The following TEAD4 variants were observed in gnomAD, a reference collection of about 807,000 sequenced individuals.
TEAD4 encodes the protein TEA domain transcription factor 4.
TEAD4 carries 36 observed loss-of-function variants against 52.4 expected under a neutral mutation model. The ratio of observed to expected loss-of-function variants is 0.69; its 90% CI spans 0.53 to 0.91. The LOEUF (loss-of-function observed/expected upper bound fraction) is 0.91, where lower values mean the gene tolerates loss of function less well. Ranked by LOEUF, TEAD4 falls within the 40% of genes least tolerant of loss-of-function variation. TEAD4 has a pLI of 0.00. For missense variants in TEAD4, 508 were observed against 583.9 expected (o/e 0.87, Z 1.34); for synonymous variants, 220 against 231.0 (o/e 0.95, Z 0.43).
intron 2 of TEAD4, among the ~76,000 whole-genome samples, chr12:2,966,199 T>C (rs1178506678): frequency 6.6e-6 from 1 of 152,084 alleles, no homozygotes; most frequent in African/African-American, 2.4e-5. Context: ...GAGAAAGCAG[T>C]GTGGTCTGGC....
At chr12:3,015,678 A>C (rs954119737) in intron 5 of TEAD4, among the ~76,000 whole-genome samples, 3 of 152,108 alleles carry the variant, frequency 2.0e-5, no homozygotes, top group African/African-American at 7.2e-5. Context: ...TTTGTGTTTT[A>C]GAGACTCCAC....
At chr12:2,973,297 C>A (rs568222028) in intron 2 of TEAD4, among the ~76,000 whole-genome samples, 2 of 152,280 alleles carry the variant, frequency 1.3e-5, no homozygotes, top group South Asian at 4.2e-4. Context: ...GTCTTGAACT[C>A]CTGGCTCAAG....
chr12:2,989,634 C>G (rs2098241472), intron 2 of TEAD4, among the ~76,000 whole-genome samples: 1 of 151,972 alleles, frequency 6.6e-6, no homozygotes. Flanking sequence ...AGACAGGGGT[C>G]TCACTATGTT....
chr12:2,973,694 C>T (rs2098227108), intron 2 of TEAD4, among the ~76,000 whole-genome samples: 1 of 152,224 alleles, frequency 6.6e-6, no homozygotes, highest in South Asian at 2.1e-4. Flanking sequence ...GCCGGGCATC[C>T]TTCCTGCCTG....
chr12:2,995,549 G>A (rs752148970), intron 3 of TEAD4, among the ~76,000 whole-genome samples: 2 of 151,726 alleles, frequency 1.3e-5, no homozygotes, highest in African/African-American at 2.4e-5. Flanking sequence ...CCTAGGAAAG[G>A]CCCCCCCCAA....
At chr12:2,977,488 A>G (rs1308463643) in intron 2 of TEAD4, among the ~76,000 whole-genome samples, 2 of 152,190 alleles carry the variant, frequency 1.3e-5, no homozygotes, top group African/African-American at 4.8e-5. Context: ...TCCTGAAGCC[A>G]GGTGTGATGA....
chr12:3,003,883 G>A (rs895567671), intron 3 of TEAD4, among the ~76,000 whole-genome samples: 2 of 152,236 alleles, frequency 1.3e-5, no homozygotes, highest in Non-Finnish European at 2.9e-5. Flanking sequence ...TAGGGGCAGA[G>A]CTGGGACAAG....
In TEAD4 at chr12:2,996,872, C is replaced by T. The variant is rs562007862; in HGVS notation, c.226+1880C>T. On this transcript the variant is annotated intron_variant, in intron 3 of 12. Coordinates refer to ENST00000359864, the MANE Select transcript of TEAD4 (RefSeq NM_003213.4). ...TTGGGTCTACAGGCGTGCGCCACCA[C>T]GCTCGGCTGATTTTACAGGTGTGAG... is the stretch of plus-strand genomic sequence containing the variant. 2.9e-4 allele frequency among the ~76,000 whole-genome samples: 44 copies of T among 152,330 alleles called. No homozygotes were observed. The East Asian group carries it at 4.0e-3, about 14-fold the overall frequency.
Position 2,975,174 on chromosome 12 carries a change from ACAAAC to A in TEAD4, c.-30+15135_-30+15139del, listed in dbSNP as rs369718776. Among the ~76,000 whole-genome samples, 178 of 145,656 alleles carry A rather than the reference ACAAAC, an allele frequency of 1.2e-3. 2 individuals are homozygous for A. Among genetic ancestry groups the A allele is most frequent in the African/African-American group, 3.1e-3 (122 of 39,642 alleles). On this transcript the variant is annotated intron_variant, in intron 2 of 12. Transcript: ENST00000359864. Reference sequence around the variant, plus strand: ...GAGAAAAAGTCTCTCAACCCTTAAAACAAACAAACAAAAAAAGACTATAATTTTGA... The same window carrying A: ...GAGAAAAAGTCTCTCAACCCTTAAAAAAACAAAAAAAGACTATAATTTTGA...
At chr12:2,973,828 G>A (rs112106188) in intron 2 of TEAD4, among the ~76,000 whole-genome samples, 17 of 152,212 alleles carry the variant, frequency 1.1e-4, no homozygotes, top group Admixed American at 3.3e-4. Flanking sequence ...TTTCCAAACC[G>A]GATGATCGTG....
intron 11 of TEAD4, among the ~76,000 whole-genome samples, 170 bp downstream of exon 11, chr12:3,038,278 C>G (rs2098280629): frequency 6.6e-6 from 1 of 152,216 alleles, no homozygotes; most frequent in Admixed American, 6.5e-5. Context: ...CCCCTTGGCA[C>G]CAGTGTCCTG....
chr12:3,005,788 C>T (rs1259964805), intron 3 of TEAD4, among the ~76,000 whole-genome samples: 1 of 152,066 alleles, frequency 6.6e-6, no homozygotes, highest in Admixed American at 6.6e-5. Context: ...CGTGAGCCAC[C>T]GCACCCAGAC....
intron 2 of TEAD4, among the ~76,000 whole-genome samples, chr12:2,968,506 T>C (rs2098222435): frequency 7.0e-6 from 1 of 143,152 alleles, no homozygotes; most frequent in Non-Finnish European, 1.5e-5. Flanking sequence ...CAAGTGATCC[T>C]CCCACCTCAG....
chr12:3,021,799 C>T (rs761446661), intron 9 of TEAD4, 45 bp from the exon 10 acceptor site: 26 of 1,594,070 alleles, frequency 1.6e-5, no homozygotes, highest in South Asian at 1.4e-4. Context: ...TCTGTCTGAC[C>T]GTCTGGCCTG....
At chr12:2,999,298 C>T (rs963782849) in intron 3 of TEAD4, among the ~76,000 whole-genome samples, 2 of 152,190 alleles carry the variant, frequency 1.3e-5, no homozygotes, top group African/African-American at 4.8e-5. Context: ...TTTCTCCCCC[C>T]TCACTTCCCT....
Position 3,017,489 on chromosome 12 carries a change from C to T in TEAD4, c.446C>T (p.Ala149Val), listed in dbSNP as rs576443873. ...GCCACGGCCTTCCACAGTAGCATGG[C>T]CCTCGCCCGGGGCCCCGGCCGCCCA... The change falls in exon 6 of 13, where the codon GCC (alanine) becomes GTC (valine). Residue 149 changes from alanine (A) to valine (V), a missense_variant. Coordinates refer to ENST00000359864, the MANE Select transcript of TEAD4 (RefSeq NM_003213.4). The T allele has an allele frequency of 6.2e-7, 1 of 1,614,150 alleles. No individual in the cohort carries two copies. Among genetic ancestry groups the T allele is most frequent in the South Asian group, 1.1e-5 (1 of 91,076 alleles).
intron 10 of TEAD4, among the ~76,000 whole-genome samples, chr12:3,024,278 G>A (rs181396097): frequency 1.2e-3 from 179 of 152,088 alleles, no homozygotes; most frequent in African/African-American, 3.9e-3. Context: ...GGGTTTCACC[G>A]TGTTAGCCAG....
chr12:2,991,171 C>T (rs1464286575), intron 2 of TEAD4, among the ~76,000 whole-genome samples: 1 of 151,996 alleles, frequency 6.6e-6, no homozygotes, highest in Non-Finnish European at 1.5e-5. Context: ...TGCACTTCAG[C>T]CTGGGCAACA....
At chr12:3,027,588 C>G (rs973785837) in intron 10 of TEAD4, among the ~76,000 whole-genome samples, 1 of 152,160 alleles carries the variant, frequency 6.6e-6, no homozygotes, top group African/African-American at 2.4e-5. Context: ...AAAAATTAGT[C>G]AGGCGTGATG....
Sources: gnomAD v4.1 joint callset for allele counts (sites outside exome capture counted in the v4.1 genomes callset) on GRCh38, gnomAD v4.1.1 for gene constraint, MANE v1.5 for transcripts, NCBI Gene and HGNC (gene_info 2026-07-23, HGNC 2026-07-21) for gene names.